PRDM1: variants seen among roughly 807,000 people sequenced by gnomAD.
PRDM1 encodes PR domain zinc finger protein 1.
PRDM1 carries 13 observed loss-of-function variants against 62.8 expected under a neutral mutation model. That is an observed-to-expected ratio of 0.21 (90% CI 0.13 to 0.33). PRDM1 has a LOEUF of 0.33. Ranked by LOEUF, PRDM1 falls within the 10% of genes least tolerant of loss-of-function variation. The pLI is 1.00. For missense variants in PRDM1, 895 were observed against 1,058.8 expected, an observed-to-expected ratio of 0.85 and a Z score of 2.15; for synonymous variants, 396 against 417.6, an observed-to-expected ratio of 0.95 and a Z score of 0.63.
At chr6:106,086,653 C>G (rs575466619) in intron 1 of PRDM1, 58 bp downstream of exon 1, 1 of 1,437,672 alleles carries the variant, frequency 7.0e-7, no homozygotes, top group East Asian at 2.5e-5. Flanking sequence ...ACTTTATTTT[C>G]TTTTCCTTTA....
intron 1 of PRDM1, among the ~76,000 whole-genome samples, chr6:106,076,542 C>T (rs934014012): frequency 4.6e-5 from 7 of 152,038 alleles, no homozygotes; most frequent in Admixed American, 1.3e-4. Context: ...GCATTTTTCT[C>T]TGAATAATTT....
At chr6:106,028,724 A>G (rs1025406844) in intron 1 of PRDM1, among the ~76,000 whole-genome samples, 1 of 152,124 alleles carries the variant, frequency 6.6e-6, no homozygotes. Flanking sequence ...CACAGTTGAG[A>G]TGATGAACAT....
chr6:106,086,362 C>T lies in PRDM1; in HGVS notation c.-192C>T. Reference sequence around the variant, plus strand: ...ACACAGACAAAGTGCTGCCGTGACACTCGGCCCTCCAGTGTTGCGGAGAGG... The same window carrying T: ...ACACAGACAAAGTGCTGCCGTGACATTCGGCCCTCCAGTGTTGCGGAGAGG... On this transcript the variant is annotated 5_prime_UTR_variant, in exon 1 of 7. Coordinates refer to ENST00000369096, the MANE Select transcript of PRDM1 (RefSeq NM_001198.4). 1 of 527,922 alleles carries T rather than the reference C, an allele frequency of 1.9e-6. No individual in the cohort carries two copies. Among genetic ancestry groups the T allele is most frequent in the East Asian group, 3.1e-5 (1 of 32,518 alleles). The allele number at this position is 527,922 out of a possible 1,614,324, so 32.7% of individuals were successfully genotyped here.
chr6:106,021,250 G>A (rs1772693381), intron 1 of PRDM1, among the ~76,000 whole-genome samples: 1 of 152,122 alleles, frequency 6.6e-6, no homozygotes, highest in Non-Finnish European at 1.5e-5. Flanking sequence ...AGTACTTCTA[G>A]TTTCCTATGT....
intron 1 of PRDM1, among the ~76,000 whole-genome samples, chr6:106,041,999 G>T (rs1251654374): frequency 1.3e-5 from 2 of 150,212 alleles, no homozygotes; most frequent in Non-Finnish European, 3.0e-5. Flanking sequence ...GTAGAGATGG[G>T]GTTTCACTAT....
intron 2 of PRDM1, among the ~76,000 whole-genome samples, chr6:106,091,114 A>C (rs540827335): frequency 6.6e-6 from 1 of 152,316 alleles, no homozygotes; most frequent in South Asian, 2.1e-4. Flanking sequence ...ATAATCTCTT[A>C]TGACTACTTG....
intron 1 of PRDM1, among the ~76,000 whole-genome samples, chr6:106,026,707 T>G (rs1245364438): frequency 6.6e-6 from 1 of 152,060 alleles, no homozygotes; most frequent in Non-Finnish European, 1.5e-5. Flanking sequence ...GATATGCAGG[T>G]CTTTATTTTT....
intron 1 of PRDM1, among the ~76,000 whole-genome samples, chr6:106,001,187 T>C (rs1271876368): frequency 6.6e-6 from 1 of 152,232 alleles, no homozygotes; most frequent in Non-Finnish European, 1.5e-5. Flanking sequence ...CTGCTGTGAA[T>C]TGCTTGTTCT....
chr6:106,088,606 C>G (rs926976207), intron 2 of PRDM1, among the ~76,000 whole-genome samples, 157 bp downstream of exon 2: 21 of 152,176 alleles, frequency 1.4e-4, no homozygotes, highest in African/African-American at 5.1e-4. Context: ...CTTTCTCTTT[C>G]CCTAAACCAT....
At chr6:106,075,914 G>T (rs1475273358) in intron 1 of PRDM1, among the ~76,000 whole-genome samples, 1 of 151,168 alleles carries the variant, frequency 6.6e-6, no homozygotes, top group African/African-American at 2.4e-5. Flanking sequence ...GTTGGTATAA[G>T]ACCATAATAA....
intron 1 of PRDM1, among the ~76,000 whole-genome samples, chr6:106,037,948 T>C (rs74433989): frequency 6.6e-6 from 1 of 150,960 alleles, no homozygotes; most frequent in African/African-American, 2.4e-5. Context: ...AGTTGGACAT[T>C]CGAAACAAAT....
At chr6:106,010,374 GT>G (rs1772531399) in intron 1 of PRDM1, among the ~76,000 whole-genome samples, 1 of 152,086 alleles carries the variant, frequency 6.6e-6, no homozygotes, top group African/African-American at 2.4e-5. Context: ...ATATATTTAT[GT>G]TTAAAGCATT....
intron 1 of PRDM1, among the ~76,000 whole-genome samples, chr6:105,996,660 C>T (rs572294836): frequency 1.3e-5 from 2 of 152,274 alleles, no homozygotes; most frequent in East Asian, 1.9e-4. Flanking sequence ...GTGCAAATAA[C>T]CTGTCATCCT....
chr6:106,107,676 C>CAATATATA lies in PRDM1; in HGVS notation c.*190_*191insAATATATA. 9.8e-6 allele frequency: 1 copy of CAATATATA among 102,366 alleles called. No individual in the cohort carries two copies. Among genetic ancestry groups the CAATATATA allele is most frequent in the Non-Finnish European group, 1.6e-5 (1 of 61,494 alleles). 6.3% of individuals were successfully genotyped at this position (102,366 alleles called of 1,614,324 possible). ...TCTCAGGGCATGAACAAGGCAAAGG[C>CAATATATA]CATATATATATATATATATATATCT... On this transcript the variant is annotated 3_prime_UTR_variant, in exon 7 of 7. Coordinates refer to ENST00000369096, the MANE Select transcript of PRDM1 (RefSeq NM_001198.4).
chr6:106,058,715 G>A (rs1773300454), intron 1 of PRDM1, among the ~76,000 whole-genome samples: 3 of 152,124 alleles, frequency 2.0e-5, no homozygotes, highest in Admixed American at 2.0e-4. Context: ...TGGGATTACA[G>A]GCATGCGCCA....
intron 3 of PRDM1, chr6:106,099,067 A>G: frequency 6.2e-7 from 1 of 1,614,096 alleles, no homozygotes; most frequent in East Asian, 2.2e-5. Flanking sequence ...CCCGAACATG[A>G]AAAGACGATA....
At chr6:106,018,920 C>T (rs118118581) in intron 1 of PRDM1, among the ~76,000 whole-genome samples, 364 of 152,008 alleles carry the variant, frequency 2.4e-3, no homozygotes, top group Non-Finnish European at 4.1e-3. Context: ...AATTATGTTC[C>T]ACCTCCTTGG....
Position 106,086,469 on chromosome 6 carries a change from C to A in PRDM1, c.-85C>A, listed in dbSNP as rs1720792666. On this transcript the variant is annotated 5_prime_UTR_variant, in exon 1 of 7. Coordinates refer to ENST00000369096, the MANE Select transcript of PRDM1 (RefSeq NM_001198.4). ...GGCCGGACGAAGCGAGGAGGGACCGCCGAGGTGCGCGTCTGTGCGGCTCAG... is the reference window on the plus strand; with the variant it reads ...GGCCGGACGAAGCGAGGAGGGACCGACGAGGTGCGCGTCTGTGCGGCTCAG... The A allele has an allele frequency of 7.2e-7, 1 of 1,381,226 alleles. No individual in the cohort carries two copies. Among genetic ancestry groups the A allele is most frequent in the Non-Finnish European group, 9.9e-7 (1 of 1,005,130 alleles). The allele number at this position is 1,381,226 out of a possible 1,614,324, so 85.6% of individuals were successfully genotyped here. A position where few individuals can be genotyped will look rare whatever the true frequency, so the allele number is the denominator to read the frequency against.
rs139571685 is a variant in PRDM1, at chr6:106,004,399, A to C, written c.-67+10760A>C. On this transcript the variant is annotated intron_variant, in intron 1 of 6. Transcript: ENST00000652320. ...TTGGTTTAGAAACCTTTTATTTGGC[A>C]ATAATGAATGTAACTATTGACTAAT... Among the ~76,000 whole-genome samples the C allele has an allele frequency of 3.1e-4, 47 of 152,344 alleles. No homozygotes were observed. The East Asian group carries it at 8.7e-3, about 28-fold the overall frequency.
Sources: allele counts gnomAD v4.1 joint callset (sites outside exome capture counted in the v4.1 genomes callset), GRCh38; gene constraint gnomAD v4.1.1; transcripts MANE v1.5; gene names NCBI Gene and HGNC (gene_info 2026-07-23, HGNC 2026-07-21).